Variants in TAFA2 observed in about 807,000 individuals in gnomAD.
TAFA2 encodes chemokine-like protein TAFA-2.
Under a neutral mutation model 18.8 loss-of-function variants are expected in TAFA2, and 7 were observed. The ratio of observed to expected loss-of-function variants is 0.37; its 90% CI spans 0.21 to 0.70. TAFA2 has a LOEUF of 0.70. TAFA2 is among the 30% of genes least tolerant of loss of function. The probability of loss-of-function intolerance (pLI) is 0.53; values close to 1 mark genes in which losing one functional copy is unlikely to be tolerated. For missense variants in TAFA2, 122 were observed against 158.1 expected (o/e 0.77, Z 1.23); for synonymous variants, 60 against 54.2 (o/e 1.11, Z -0.47).
chr12:62,188,257 A>G (rs1225717769), intron 1 of TAFA2, among the ~76,000 whole-genome samples: 6 of 152,042 alleles, frequency 3.9e-5, no homozygotes, highest in Non-Finnish European at 7.4e-5. Flanking sequence ...ACAAAACTGC[A>G]TTGCACAGTA....
intron 1 of TAFA2, among the ~76,000 whole-genome samples, chr12:62,146,060 C>T (rs1200119318): frequency 6.6e-6 from 1 of 152,160 alleles, no homozygotes; most frequent in Non-Finnish European, 1.5e-5. Flanking sequence ...CTCCAGTTCT[C>T]CATTTCCCCA....
At chr12:61,720,470 G>A (rs372059129) in intron 4 of TAFA2, among the ~76,000 whole-genome samples, 4 of 152,068 alleles carry the variant, frequency 2.6e-5, no homozygotes, top group Middle Eastern at 6.3e-3. Context: ...CAGTGTACGG[G>A]CCTCACATCA....
intron 1 of TAFA2, among the ~76,000 whole-genome samples, chr12:62,166,064 G>T (rs1377855839): frequency 6.6e-6 from 1 of 151,958 alleles, no homozygotes; most frequent in Non-Finnish European, 1.5e-5. Context: ...CCCCAGGAAA[G>T]CTATTGGCTA....
chr12:62,187,047 C>G (rs1248780382), intron 1 of TAFA2, among the ~76,000 whole-genome samples: 2 of 151,988 alleles, frequency 1.3e-5, no homozygotes, highest in South Asian at 2.1e-4. Context: ...TTTGTAGATA[C>G]CATTTTAAAC....
intron 1 of TAFA2, among the ~76,000 whole-genome samples, chr12:62,171,826 A>G (rs1165047819): frequency 6.6e-6 from 1 of 152,222 alleles, no homozygotes; most frequent in Non-Finnish European, 1.5e-5. Flanking sequence ...CCCTACCAAC[A>G]GACAAAAATT....
intron 1 of TAFA2, among the ~76,000 whole-genome samples, chr12:61,921,506 A>C (rs1877052738): frequency 6.6e-6 from 1 of 152,122 alleles, no homozygotes; most frequent in Non-Finnish European, 1.5e-5. Context: ...GCTATGGCTG[A>C]AACAGGAGAC....
At chr12:62,243,358 T>A (rs11174394) in intron 1 of TAFA2, among the ~76,000 whole-genome samples, 16,643 of 152,304 alleles carry the variant, frequency 0.11, 1,043 homozygotes, top group East Asian at 0.2. Context: ...TACATATTTA[T>A]AAATGCATGT....
chr12:61,787,691 T>C (rs1305414393), intron 2 of TAFA2, among the ~76,000 whole-genome samples: 2 of 151,288 alleles, frequency 1.3e-5, no homozygotes, highest in African/African-American at 4.8e-5. Flanking sequence ...AAAATAGACA[T>C]ACCAACAGAC....
intron 1 of TAFA2, chr12:61,879,892 G>T (rs1875042535): frequency 1.1e-6 from 1 of 907,454 alleles, no homozygotes; most frequent in Admixed American, 1.7e-5. Flanking sequence ...CAGAGATGGA[G>T]AATGAATTTG....
intron 1 of TAFA2, among the ~76,000 whole-genome samples, chr12:61,903,821 C>A (rs1876221186): frequency 6.6e-6 from 1 of 152,144 alleles, no homozygotes; most frequent in Non-Finnish European, 1.5e-5. Context: ...AAGTTCACTT[C>A]TATTTTTCCT....
At chr12:61,870,561 A>T (rs1261352643) in intron 1 of TAFA2, among the ~76,000 whole-genome samples, 2 of 152,098 alleles carry the variant, frequency 1.3e-5, no homozygotes, top group Non-Finnish European at 2.9e-5. Context: ...TCAGCAGAAT[A>T]TTTTTTTAAG....
At chr12:62,156,866 T>C (rs983706289) in intron 1 of TAFA2, among the ~76,000 whole-genome samples, 2 of 152,152 alleles carry the variant, frequency 1.3e-5, no homozygotes, top group African/African-American at 4.8e-5. Flanking sequence ...AAATACCGCC[T>C]GTACCCCAAT....
At chr12:62,079,653 G>A (rs1359216772) in intron 1 of TAFA2, among the ~76,000 whole-genome samples, 1 of 149,410 alleles carries the variant, frequency 6.7e-6, no homozygotes, top group Non-Finnish European at 1.5e-5. Context: ...GACAGAGCAA[G>A]ACTCTGTCTC....
chr12:61,742,452 A>C (rs1400813410), intron 4 of TAFA2, among the ~76,000 whole-genome samples: 1 of 151,998 alleles, frequency 6.6e-6, no homozygotes, highest in Non-Finnish European at 1.5e-5. Flanking sequence ...AAAGCCCTGG[A>C]TCCCTGGAAC....
chr12:61,840,102 G>A (rs988724895), intron 2 of TAFA2, among the ~76,000 whole-genome samples: 6 of 152,060 alleles, frequency 3.9e-5, no homozygotes, highest in Non-Finnish European at 8.8e-5. Context: ...TACGGTTGGA[G>A]CAGTAGGTCC....
At chr12:61,885,323 A>T (rs1023988642) in intron 1 of TAFA2, among the ~76,000 whole-genome samples, 2 of 152,204 alleles carry the variant, frequency 1.3e-5, no homozygotes, top group African/African-American at 2.4e-5. Context: ...CATTCACAAT[A>T]GTTGCTCTTT....
chr12:62,042,779 G>A lies in TAFA2; in HGVS notation c.-2+148480C>T, dbSNP rs548987346. Among the ~76,000 whole-genome samples the A allele has an allele frequency of 1.6e-4, 24 of 151,964 alleles. 1 individual carries two copies. Among genetic ancestry groups the A allele is most frequent in the South Asian group, 8.3e-4 (4 of 4,798 alleles). ...ATCTCAATGCCTGCCTCATTCCAGC[G>A]GGGTCGCCTGTAAGCATAATCTATC... On this transcript the variant is annotated intron_variant, in intron 1 of 4. Transcript: ENST00000416284.
intron 1 of TAFA2, among the ~76,000 whole-genome samples, chr12:62,227,423 T>C (rs531733960): frequency 1.5e-4 from 23 of 152,204 alleles, no homozygotes; most frequent in Non-Finnish European, 3.1e-4. Context: ...AGGGTATTTG[T>C]CTTTTTTTGA....
intron 1 of TAFA2, among the ~76,000 whole-genome samples, chr12:62,183,800 T>C (rs925404756): frequency 1.3e-5 from 2 of 152,330 alleles, no homozygotes; most frequent in African/African-American, 2.4e-5. Flanking sequence ...AATTCATACA[T>C]AGATTTTGAA....
Sources: gnomAD v4.1 joint callset for allele counts (sites outside exome capture counted in the v4.1 genomes callset) on GRCh38, gnomAD v4.1.1 for gene constraint, MANE v1.5 for transcripts, NCBI Gene and HGNC (gene_info 2026-07-23, HGNC 2026-07-21) for gene names.